Variants in KIAA1958 observed in about 807,000 individuals in gnomAD.
KIAA1958 encodes uncharacterized protein KIAA1958.
KIAA1958 carries 14 observed loss-of-function variants against 47.2 expected under a neutral mutation model. That is an observed-to-expected ratio of 0.30 (90% CI 0.20 to 0.46). KIAA1958 has a LOEUF of 0.46. Ranked by LOEUF, KIAA1958 falls within the 20% of genes least tolerant of loss-of-function variation. KIAA1958 has a pLI of 1.00. For synonymous variants in KIAA1958, 354 were observed against 353.3 expected, an observed-to-expected ratio of 1.00 and a Z score of -0.02; for missense variants, 803 against 909.2, an observed-to-expected ratio of 0.88 and a Z score of 1.50.
intron 3 of KIAA1958, among the ~76,000 whole-genome samples, chr9:112,657,234 A>G (rs62575227): frequency 6.7e-4 from 102 of 151,932 alleles, no homozygotes; most frequent in South Asian, 3.9e-3. Flanking sequence ...ACTGGACTAC[A>G]GATGCACACC....
intron 2 of KIAA1958, among the ~76,000 whole-genome samples, chr9:112,592,072 T>C (rs951726546): frequency 5.3e-5 from 8 of 151,942 alleles, no homozygotes; most frequent in African/African-American, 9.7e-5. Context: ...AGTGACAGGG[T>C]GAGTGGTTTG....
intron 1 of KIAA1958, among the ~76,000 whole-genome samples, chr9:112,530,059 G>C (rs1170786884): frequency 1.3e-5 from 2 of 152,116 alleles, no homozygotes; most frequent in Non-Finnish European, 2.9e-5. Context: ...TAGCCAGGAT[G>C]GTCTCGATCT....
At chr9:112,579,644 A>G (rs1835704732) in intron 2 of KIAA1958, among the ~76,000 whole-genome samples, 1 of 151,904 alleles carries the variant, frequency 6.6e-6, no homozygotes, top group African/African-American at 2.4e-5. Context: ...ATTTGTATAA[A>G]TTTATGGTGA....
chr9:112,487,898 A>C (rs1246143227), intron 1 of KIAA1958, among the ~76,000 whole-genome samples: 1 of 151,858 alleles, frequency 6.6e-6, no homozygotes, highest in Non-Finnish European at 1.5e-5. Flanking sequence ...CTTTAAAAAA[A>C]ATGAACGTGG....
intron 1 of KIAA1958, among the ~76,000 whole-genome samples, chr9:112,553,511 T>C (rs1835192055): frequency 6.6e-6 from 1 of 152,110 alleles, no homozygotes; most frequent in Non-Finnish European, 1.5e-5. Context: ...TTGGACACAT[T>C]TCTTAAACTT....
intron 1 of KIAA1958, among the ~76,000 whole-genome samples, chr9:112,538,765 A>G (rs1834895093): frequency 6.6e-6 from 1 of 152,230 alleles, no homozygotes; most frequent in African/African-American, 2.4e-5. Flanking sequence ...ATAATCAGTA[A>G]TGATAACAGT....
At chr9:112,539,511 G>GAC (rs1834905606) in intron 1 of KIAA1958, among the ~76,000 whole-genome samples, 11 of 151,726 alleles carry the variant, frequency 7.2e-5, no homozygotes, top group Admixed American at 7.2e-4. Context: ...TGGTTGTTAT[G>GAC]ATTTAGAGTG....
At chr9:112,631,428 A>G (rs1366509010) in intron 2 of KIAA1958, among the ~76,000 whole-genome samples, 3 of 150,094 alleles carry the variant, frequency 2.0e-5, no homozygotes, top group Non-Finnish European at 4.4e-5. Context: ...AGAGAGGCTG[A>G]GGCAAGAGGA....
chr9:112,633,905 C>T lies in KIAA1958; in HGVS notation c.1172-11745C>T, dbSNP rs549977916. The stretch of plus-strand genomic sequence containing the variant: ...TCCTAGGGTTATTTCCAGTTTGAGG[C>T]CATTTATTATTTGTTGTACTATTAT... On this transcript the variant is annotated intron_variant, in intron 2 of 3. Transcript: ENST00000337530. Among the ~76,000 whole-genome samples the T allele has an allele frequency of 9.2e-5, 14 of 152,112 alleles. 1 individual carries two copies. The highest frequency in any genetic ancestry group is 2.6e-4 in the Admixed American group (4 of 15,268).
intron 1 of KIAA1958, among the ~76,000 whole-genome samples, chr9:112,499,192 A>G (rs1032446971): frequency 2.6e-5 from 4 of 152,212 alleles, no homozygotes; most frequent in African/African-American, 7.2e-5. Flanking sequence ...TGAAAGTACT[A>G]CAATAAACAT....
chr9:112,577,971 C>T (rs1357883645), intron 2 of KIAA1958, among the ~76,000 whole-genome samples: 1 of 152,000 alleles, frequency 6.6e-6, no homozygotes, highest in African/African-American at 2.4e-5. Flanking sequence ...TGGAGGTAAA[C>T]CTTTAAGAAA....
intron 3 of KIAA1958, among the ~76,000 whole-genome samples, chr9:112,649,710 C>A (rs1460804692): frequency 1.3e-5 from 2 of 152,086 alleles, no homozygotes; most frequent in Admixed American, 6.5e-5. Context: ...GGGGCAATTT[C>A]TTTAAATTAT....
chr9:112,562,585 G>A (rs1835352886), intron 1 of KIAA1958, among the ~76,000 whole-genome samples: 1 of 152,092 alleles, frequency 6.6e-6, no homozygotes, highest in Non-Finnish European at 1.5e-5. Context: ...AGAATACTTG[G>A]AACTTCTGCC....
At chr9:112,528,055 CTGTT>C (rs1451895049) in intron 1 of KIAA1958, among the ~76,000 whole-genome samples, 1 of 152,144 alleles carries the variant, frequency 6.6e-6, no homozygotes, top group Admixed American at 6.5e-5. Flanking sequence ...CTCCTCCTCA[CTGTT>C]TGATTAATAA....
At chr9:112,499,967 C>T (rs1404935978) in intron 1 of KIAA1958, among the ~76,000 whole-genome samples, 2 of 151,946 alleles carry the variant, frequency 1.3e-5, no homozygotes, top group Admixed American at 6.6e-5. Context: ...GGATTACAGG[C>T]GTGAGCCACT....
intron 2 of KIAA1958, among the ~76,000 whole-genome samples, chr9:112,609,299 T>C (rs1407520380): frequency 6.6e-6 from 1 of 152,212 alleles, no homozygotes; most frequent in Admixed American, 6.5e-5. Flanking sequence ...AATGGAGCTA[T>C]AGGGCACACT....
intron 1 of KIAA1958, among the ~76,000 whole-genome samples, chr9:112,539,229 A>T (rs146992607): frequency 3.9e-5 from 6 of 152,254 alleles, no homozygotes; most frequent in Non-Finnish European, 8.8e-5. Context: ...ATTTGTCCAC[A>T]TAAAAACTTG....
chr9:112,613,129 G>A (rs1323868365), intron 2 of KIAA1958, among the ~76,000 whole-genome samples: 1 of 152,072 alleles, frequency 6.6e-6, no homozygotes, highest in Non-Finnish European at 1.5e-5. Context: ...AGGGAAACTT[G>A]GTAACAAAGG....
At chr9:112,538,341 G>A (rs1156825045) in intron 1 of KIAA1958, among the ~76,000 whole-genome samples, 2 of 151,862 alleles carry the variant, frequency 1.3e-5, no homozygotes, top group Non-Finnish European at 2.9e-5. Context: ...GACAAAGCAA[G>A]ACCCTGTCTC....
Sources: allele counts gnomAD v4.1 joint callset (sites outside exome capture counted in the v4.1 genomes callset), GRCh38; gene constraint gnomAD v4.1.1; transcripts MANE v1.5; gene names NCBI Gene and HGNC (gene_info 2026-07-23, HGNC 2026-07-21).